Variants in ALDH1A2 observed in about 807,000 individuals in gnomAD.
The protein encoded by ALDH1A2 is aldehyde dehydrogenase 1 family member A2.
ALDH1A2 carries 27 observed loss-of-function variants against 60.3 expected under a neutral mutation model. That is an observed-to-expected ratio of 0.45 (90% CI 0.33 to 0.62). ALDH1A2 has a LOEUF of 0.62. ALDH1A2 is among the 20% of genes least tolerant of loss of function. The pLI is 0.02. For synonymous variants in ALDH1A2, 289 were observed against 232.4 expected (o/e 1.24, Z -2.21); for missense variants, 581 against 643.8 (o/e 0.90, Z 1.06).
chr15:58,055,096 A>T (rs752841314), intron 1 of ALDH1A2, among the ~76,000 whole-genome samples: 2 of 151,970 alleles, frequency 1.3e-5, no homozygotes, highest in Non-Finnish European at 2.9e-5. Context: ...TCCAAATTGT[A>T]TTGTCTTTGT....
At chr15:58,044,696 A>G (rs1480877838) in intron 1 of ALDH1A2, among the ~76,000 whole-genome samples, 1 of 151,972 alleles carries the variant, frequency 6.6e-6, no homozygotes, top group African/African-American at 2.4e-5. Flanking sequence ...CAAATAGAAA[A>G]TTATTTTCCT....
chr15:58,003,486 A>T (rs542876990), intron 4 of ALDH1A2, among the ~76,000 whole-genome samples: 2 of 152,024 alleles, frequency 1.3e-5, no homozygotes, highest in South Asian at 4.1e-4. Context: ...GTTATATATG[A>T]CCTGGGTAGT....
chr15:57,991,705 G>T (rs1187358171), intron 7 of ALDH1A2: 2 of 152,278 alleles, frequency 1.3e-5, no homozygotes, highest in East Asian at 3.9e-4. Flanking sequence ...GAAAATACTG[G>T]ATTAAAGTTA....
intron 1 of ALDH1A2, among the ~76,000 whole-genome samples, chr15:58,036,877 A>T (rs1414279808): frequency 2.6e-5 from 4 of 151,676 alleles, no homozygotes; most frequent in Non-Finnish European, 5.9e-5. Context: ...GAAATAAGAA[A>T]TAATTAGGAA....
Position 58,065,623 on chromosome 15 carries a change from C to T in ALDH1A2, c.28G>A (p.Gly10Ser), listed in dbSNP as rs764117031. The T allele has an allele frequency of 2.5e-6, 4 of 1,606,424 alleles. No individual in the cohort carries two copies. The highest frequency in any genetic ancestry group is 4.5e-5 in the East Asian group (2 of 44,734). MTSSKIEMP[G>S]EVKADPAALM... Reference sequence around the variant, plus strand: ...GCGGCGGGGTCGGCCTTCACCTCGCCGGGCATCTCTATCTTGCTGGAAGTC... The same window carrying T: ...GCGGCGGGGTCGGCCTTCACCTCGCTGGGCATCTCTATCTTGCTGGAAGTC... Residue 10 changes from glycine (G) to serine (S), a missense_variant, in exon 1 of 13, where the codon GGC becomes AGC. Gly to Ser is a moderately conservative substitution (Grantham distance 56). Transcript: ENST00000249750.
intron 1 of ALDH1A2, among the ~76,000 whole-genome samples, chr15:58,024,308 A>G (rs529093245): frequency 6.6e-6 from 1 of 152,298 alleles, no homozygotes; most frequent in East Asian, 1.9e-4. Flanking sequence ...AAATGATCCA[A>G]TTTTATACTG....
chr15:58,010,859 G>A, intron 3 of ALDH1A2, 81 bp from the exon 4 acceptor site: 2 of 1,550,932 alleles, frequency 1.3e-6, no homozygotes, highest in South Asian at 1.1e-5. Flanking sequence ...AAGAAAAAAG[G>A]AAGAGAGAGA....
chr15:57,978,689 T>A (rs1894363993), intron 7 of ALDH1A2, among the ~76,000 whole-genome samples: 1 of 151,774 alleles, frequency 6.6e-6, no homozygotes, highest in African/African-American at 2.4e-5. Flanking sequence ...CCGGGGGAGA[T>A]GGAGCAGTAT....
chr15:58,001,635 T>C (rs752994909), intron 4 of ALDH1A2, among the ~76,000 whole-genome samples: 1 of 151,956 alleles, frequency 6.6e-6, no homozygotes, highest in Non-Finnish European at 1.5e-5. Flanking sequence ...CAATTTTCCA[T>C]CTTTTATGCT....
chr15:57,972,104 A>T (rs1331456645), intron 7 of ALDH1A2, among the ~76,000 whole-genome samples: 2 of 152,038 alleles, frequency 1.3e-5, no homozygotes, highest in Non-Finnish European at 2.9e-5. Context: ...CTTCATGACA[A>T]AACTGGGAGG....
intron 1 of ALDH1A2, among the ~76,000 whole-genome samples, chr15:58,043,631 G>C (rs1412454115): frequency 6.6e-6 from 1 of 151,890 alleles, no homozygotes; most frequent in Non-Finnish European, 1.5e-5. Flanking sequence ...GACATCATTT[G>C]AAACGGTGAG....
intron 7 of ALDH1A2, among the ~76,000 whole-genome samples, chr15:57,968,988 A>G (rs966158913): frequency 3.8e-5 from 5 of 132,536 alleles, no homozygotes; most frequent in Non-Finnish European, 7.0e-5. Context: ...CGCTGCACCC[A>G]CTAACTCGGT....
At chr15:58,046,539 T>G (rs1236713546) in intron 1 of ALDH1A2, among the ~76,000 whole-genome samples, 2 of 152,040 alleles carry the variant, frequency 1.3e-5, no homozygotes, top group East Asian at 3.9e-4. Flanking sequence ...AGTTGAAAGA[T>G]CTCCATTTTA....
chr15:58,065,471 C>G, intron 1 of ALDH1A2, 63 bp downstream of exon 1: 1 of 1,391,044 alleles, frequency 7.2e-7, no homozygotes, highest in East Asian at 2.3e-5. Flanking sequence ...CTGAAGAGAT[C>G]GGGGAAACCG....
chr15:58,031,014 A>G (rs1341336900), intron 1 of ALDH1A2, among the ~76,000 whole-genome samples: 1 of 152,194 alleles, frequency 6.6e-6, no homozygotes, highest in Non-Finnish European at 1.5e-5. Context: ...CTTTCTTCAA[A>G]GAACTGGAAA....
At chr15:58,009,838 G>A (rs12915508) in intron 4 of ALDH1A2, among the ~76,000 whole-genome samples, 70,067 of 151,766 alleles carry the variant, frequency 0.46, 16,696 homozygotes, top group Non-Finnish European at 0.53. Flanking sequence ...GAAGATGTTT[G>A]TAACAGTGCC....
At chr15:57,977,004 T>C (rs756128409) in intron 7 of ALDH1A2, among the ~76,000 whole-genome samples, 15 of 152,192 alleles carry the variant, frequency 9.9e-5, no homozygotes, top group Admixed American at 5.2e-4. Context: ...TGCATTTCTC[T>C]AGTGACCAGT....
chr15:57,993,385 G>A (rs1001772888), intron 5 of ALDH1A2, among the ~76,000 whole-genome samples: 1 of 151,808 alleles, frequency 6.6e-6, no homozygotes, highest in African/African-American at 2.4e-5. Context: ...TTTTAATTAG[G>A]CTTTGGTTCC....
rs1227214002 is a variant in ALDH1A2, at chr15:58,039,612, TAG to T, written c.118-25333_118-25332del. Reference sequence around the variant, plus strand: ...AAATAAAAAGTAACTGATTAACCACTAGAGTTTTTCCAGAAGTTGCTGAGGCC... The same window carrying T: ...AAATAAAAAGTAACTGATTAACCACTAGTTTTTCCAGAAGTTGCTGAGGCC... On this transcript the variant is annotated intron_variant, in intron 1 of 12. Coordinates refer to ENST00000249750, the MANE Select transcript of ALDH1A2 (RefSeq NM_003888.4). 1.1e-4 allele frequency among the ~76,000 whole-genome samples: 17 copies of T among 151,946 alleles called. No individual in the cohort carries two copies. The East Asian group carries it at 2.9e-3, about 26-fold the overall frequency.
Sources: gnomAD v4.1 joint callset for allele counts (sites outside exome capture counted in the v4.1 genomes callset) on GRCh38, gnomAD v4.1.1 for gene constraint, MANE v1.5 for transcripts, NCBI Gene and HGNC (gene_info 2026-07-23, HGNC 2026-07-21) for gene names.